Variants in TBC1D22B observed in about 807,000 individuals in gnomAD.
TBC1D22B encodes the protein chromosome 6 open reading frame 197.
A neutral mutation model predicts 69.1 loss-of-function variants in TBC1D22B; 32 were observed. The ratio of observed to expected loss-of-function variants is 0.46; its 90% CI spans 0.35 to 0.62. The LOEUF (loss-of-function observed/expected upper bound fraction) is 0.62. Among genes scored for constraint, TBC1D22B ranks in the 20% least tolerant of loss-of-function variants. The probability of loss-of-function intolerance (pLI) is 0.00; values close to 1 mark genes in which losing one functional copy is unlikely to be tolerated. For synonymous variants in TBC1D22B, 206 were observed against 229.8 expected, an observed-to-expected ratio of 0.90 and a Z score of 0.94; for missense variants, 462 against 630.9, an observed-to-expected ratio of 0.73 and a Z score of 2.87.
intron 8 of TBC1D22B, among the ~76,000 whole-genome samples, chr6:37,304,088 G>A (rs1267301477): frequency 5.3e-5 from 8 of 152,322 alleles, no homozygotes; most frequent in African/African-American, 1.9e-4. Flanking sequence ...GCTTCACTAG[G>A]CTTGGCCACT....
At chr6:37,294,820 A>C (rs751891624) in intron 8 of TBC1D22B, among the ~76,000 whole-genome samples, 28 of 152,204 alleles carry the variant, frequency 1.8e-4, no homozygotes, top group Admixed American at 1.1e-3. Context: ...CTCTGATGGA[A>C]ATGTACAAGG....
Position 37,327,737 on chromosome 6 carries a change from C to T in TBC1D22B, c.1390-3307C>T, listed in dbSNP as rs72852430. The stretch of plus-strand genomic sequence containing the variant: ...TAACTGGTCTGGTTGAGTGAATTTC[C>T]GTAATCATGTGACTGGAGGGGTTTG... On this transcript the variant is annotated intron_variant, in intron 12 of 12. Transcript: ENST00000373491. Among the ~76,000 whole-genome samples the T allele has an allele frequency of 1.4e-3, 220 of 152,078 alleles. 1 individual carries two copies. The highest frequency in any genetic ancestry group is 3.5e-3 in the South Asian group (17 of 4,810).
At chr6:37,315,177 G>A (rs1348385770) in intron 10 of TBC1D22B, among the ~76,000 whole-genome samples, 1 of 152,138 alleles carries the variant, frequency 6.6e-6, no homozygotes, top group African/African-American at 2.4e-5. Context: ...TTACAAATAC[G>A]TGATACATAA....
At chr6:37,268,713 A>G (rs1035045846) in intron 1 of TBC1D22B, among the ~76,000 whole-genome samples, 1 of 152,146 alleles carries the variant, frequency 6.6e-6, no homozygotes, top group Non-Finnish European at 1.5e-5. Context: ...CTTTCTTTAT[A>G]ATATTACTCT....
At chr6:37,300,696 C>T (rs899234435) in intron 8 of TBC1D22B, among the ~76,000 whole-genome samples, 10 of 152,008 alleles carry the variant, frequency 6.6e-5, no homozygotes, top group Admixed American at 5.9e-4. Context: ...AAAAAAAATT[C>T]CCCCCACCCA....
chr6:37,307,538 T>C (rs375262658), intron 8 of TBC1D22B, among the ~76,000 whole-genome samples: 22 of 152,132 alleles, frequency 1.4e-4, no homozygotes, highest in African/African-American at 5.1e-4. Context: ...ATATTTTTGG[T>C]AGAGACGGGG....
intron 12 of TBC1D22B, among the ~76,000 whole-genome samples, chr6:37,329,993 A>T (rs143043360): frequency 3.2e-4 from 48 of 152,314 alleles, no homozygotes; most frequent in African/African-American, 1.1e-3. Context: ...AGACCTTTAC[A>T]CTGAGAACTG....
chr6:37,306,126 G>A lies in TBC1D22B; in HGVS notation c.983-6792G>A, dbSNP rs72851392. ...TGTGCGTTTGGTGGGACAGTGGTGC[G>A]TCCAGTGCTGGATTTCCTGTCATTG... is the stretch of plus-strand genomic sequence containing the variant. On this transcript the variant is annotated intron_variant, in intron 8 of 12. Transcript: ENST00000373491. 3.3e-3 allele frequency among the ~76,000 whole-genome samples: 507 copies of A among 152,304 alleles called. 2 individuals are homozygous for A. The highest frequency in any genetic ancestry group is 6.0e-3 in the Non-Finnish European group (410 of 68,016).
intron 12 of TBC1D22B, among the ~76,000 whole-genome samples, chr6:37,320,846 C>A (rs1768218495): frequency 6.6e-6 from 1 of 152,208 alleles, no homozygotes; most frequent in African/African-American, 2.4e-5. Flanking sequence ...AGCAGAATGG[C>A]TGGATCCTCC....
rs1767026955 is a variant in TBC1D22B at position 37,286,992 on chromosome 6, C to A, written c.802-15C>A. The stretch of plus-strand genomic sequence containing the variant: ...ACTGGCATTTGTGTTTTTGGACATG[C>A]CTTCTCTTTTTCAGATTCACATTGA... On this transcript the variant is annotated splice_polypyrimidine_tract_variant and intron_variant, in intron 6 of 12. Coordinates refer to ENST00000373491, the MANE Select transcript of TBC1D22B (RefSeq NM_017772.4). 3 of 1,589,556 alleles carry A rather than the reference C, an allele frequency of 1.9e-6. No individual in the cohort carries two copies. The highest frequency in any genetic ancestry group is 1.9e-5 in the Admixed American group (1 of 53,580).
chr6:37,270,946 TGAGGGGAGATAC>T (rs1379727084), intron 2 of TBC1D22B, among the ~76,000 whole-genome samples: 4 of 151,922 alleles, frequency 2.6e-5, no homozygotes, highest in Admixed American at 6.6e-5. Context: ...GGGGTGGGGT[TGAGGGGAGATAC>T]GAATAGGTAG....
intron 8 of TBC1D22B, among the ~76,000 whole-genome samples, chr6:37,297,673 TA>T (rs1006454369): frequency 2.5e-4 from 38 of 152,100 alleles, no homozygotes; most frequent in Admixed American, 7.2e-4. Flanking sequence ...CTTATCTTTC[TA>T]AAAAAAATTG....
intron 12 of TBC1D22B, among the ~76,000 whole-genome samples, chr6:37,320,082 A>G (rs1768195713): frequency 1.3e-5 from 2 of 152,254 alleles, no homozygotes; most frequent in African/African-American, 4.8e-5. Flanking sequence ...TACAGAAATA[A>G]AAGTGGTAGT....
At chr6:37,305,131 CCCCCCACGCTCAGT>C (rs1257901859) in intron 8 of TBC1D22B, among the ~76,000 whole-genome samples, 2 of 152,180 alleles carry the variant, frequency 1.3e-5, no homozygotes, top group Non-Finnish European at 2.9e-5. Flanking sequence ...ATTGTGCTCG[CCCCCCACGCTCAGT>C]CCTGGGAGGC....
intron 9 of TBC1D22B, 75 bp from the exon 10 acceptor site, chr6:37,313,741 A>G: frequency 7.1e-7 from 1 of 1,415,364 alleles, no homozygotes; most frequent in Non-Finnish European, 1.0e-6. Context: ...TGAACTTCTA[A>G]ACGTGTTTCA....
intron 12 of TBC1D22B, among the ~76,000 whole-genome samples, chr6:37,319,752 T>C (rs116027217): frequency 5.8e-4 from 89 of 152,352 alleles, no homozygotes; most frequent in Non-Finnish European, 7.5e-4. Context: ...TAAAATTCTA[T>C]GAATGATAAA....
At chr6:37,307,219 A>C (rs11961942) in intron 8 of TBC1D22B, among the ~76,000 whole-genome samples, 1 of 152,168 alleles carries the variant, frequency 6.6e-6, no homozygotes, top group Non-Finnish European at 1.5e-5. Flanking sequence ...AATTCTTGAC[A>C]GTTTTCTTAA....
chr6:37,330,218 G>A (rs550110239), intron 12 of TBC1D22B, among the ~76,000 whole-genome samples: 13 of 91,114 alleles, frequency 1.4e-4, no homozygotes, highest in African/African-American at 9.4e-5. Flanking sequence ...TATTTTGTCC[G>A]TTTCTTTTTT....
chr6:37,317,986 G>T (rs1400677407), intron 12 of TBC1D22B, among the ~76,000 whole-genome samples: 1 of 152,168 alleles, frequency 6.6e-6, no homozygotes, highest in Non-Finnish European at 1.5e-5. Context: ...GATCACAGAG[G>T]ACTTTGTAGC....
Sources: gnomAD v4.1 joint callset for allele counts (sites outside exome capture counted in the v4.1 genomes callset) on GRCh38, gnomAD v4.1.1 for gene constraint, MANE v1.5 for transcripts, NCBI Gene and HGNC (gene_info 2026-07-23, HGNC 2026-07-21) for gene names.